The following SLC22A15 variants were observed in gnomAD, a reference collection of about 807,000 sequenced individuals.
SLC22A15 encodes the protein solute carrier family 22 member 15, also known as flipt 1.
In SLC22A15, 45 loss-of-function variants were observed where a neutral mutation model predicts 62.7. That is an observed-to-expected ratio of 0.72 (90% confidence interval 0.56 to 0.92). The LOEUF (loss-of-function observed/expected upper bound fraction) is 0.92, where lower values mean the gene tolerates loss of function less well. Among genes scored for constraint, SLC22A15 ranks in the 40% least tolerant of loss-of-function variants. The probability of loss-of-function intolerance (pLI) is 0.00; values close to 1 mark genes in which losing one functional copy is unlikely to be tolerated. For missense variants in SLC22A15, 622 were observed against 665.6 expected, an observed-to-expected ratio of 0.93 and a Z score of 0.72; for synonymous variants, 264 against 267.0, an observed-to-expected ratio of 0.99 and a Z score of 0.11.
At chr1:116,043,556 A>G (rs1657849484) in intron 8 of SLC22A15, among the ~76,000 whole-genome samples, 1 of 152,182 alleles carries the variant, frequency 6.6e-6, no homozygotes, top group Non-Finnish European at 1.5e-5. Flanking sequence ...TAAGCTTCCA[A>G]CTTAAGAAAG....
intron 7 of SLC22A15, among the ~76,000 whole-genome samples, chr1:116,036,509 A>C (rs1211067476): frequency 6.6e-6 from 1 of 152,198 alleles, no homozygotes; most frequent in African/African-American, 2.4e-5. Flanking sequence ...GTGACCAGGC[A>C]GACCTGAATT....
intron 8 of SLC22A15, among the ~76,000 whole-genome samples, chr1:116,042,062 G>T (rs1657802757): frequency 6.9e-6 from 1 of 145,788 alleles, no homozygotes; most frequent in African/African-American, 2.5e-5. Flanking sequence ...AGACTTAAAG[G>T]AACAATAAAG....
chr1:116,020,447 C>G (rs1346783243), intron 3 of SLC22A15, among the ~76,000 whole-genome samples: 4 of 150,874 alleles, frequency 2.7e-5, no homozygotes, highest in African/African-American at 9.7e-5. Flanking sequence ...TCCCAGCTAC[C>G]CGGGAGGCTG....
rs1043795864 is a variant in SLC22A15 at position 116,066,466 on chromosome 1, T to C, written c.1366-54T>C. 5.4e-6 allele frequency: 8 copies of C among 1,484,050 alleles called. No individual in the cohort carries two copies. In the African/African-American group the frequency reaches 1.1e-4, roughly 21 times the overall value. 91.9% of individuals were successfully genotyped at this position (1,484,050 alleles called of 1,614,324 possible). On this transcript the variant is annotated intron_variant, in intron 10 of 11. Coordinates refer to ENST00000369503, the MANE Select transcript of SLC22A15 (RefSeq NM_018420.3). ...CAGTCATGAGACTGCTTGTATTACA[T>C]GCTAAGGAAACTAATTCTCTGGTTT...
chr1:115,999,017 A>G (rs997655005), intron 2 of SLC22A15, among the ~76,000 whole-genome samples: 2 of 152,164 alleles, frequency 1.3e-5, no homozygotes, highest in Middle Eastern at 3.4e-3. Context: ...TTTTCTTCTT[A>G]ATTTCTTCTT....
chr1:115,979,158 A>G (rs1570677199), intron 1 of SLC22A15, among the ~76,000 whole-genome samples: 1 of 152,234 alleles, frequency 6.6e-6, no homozygotes, highest in Non-Finnish European at 1.5e-5. Flanking sequence ...AAACACATCT[A>G]TGTTCAAACT....
chr1:116,047,733 A>G (rs1657963808), intron 8 of SLC22A15, among the ~76,000 whole-genome samples: 3 of 152,202 alleles, frequency 2.0e-5, no homozygotes, highest in South Asian at 4.1e-4. Context: ...TCTGAACAGC[A>G]GCCTTCAGCC....
chr1:115,982,403 G>T (rs527658011), intron 1 of SLC22A15, among the ~76,000 whole-genome samples: 11 of 152,132 alleles, frequency 7.2e-5, no homozygotes, highest in South Asian at 2.1e-4. Context: ...TATAAATATT[G>T]TATATCCATC....
At chr1:116,025,808 A>T (rs1657058123) in intron 4 of SLC22A15, among the ~76,000 whole-genome samples, 1 of 152,242 alleles carries the variant, frequency 6.6e-6, no homozygotes, top group African/African-American at 2.4e-5. Context: ...TTAATAAATA[A>T]TAGCTATTAC....
At chr1:115,986,521 G>C (rs879786749) in intron 1 of SLC22A15, among the ~76,000 whole-genome samples, 2 of 152,204 alleles carry the variant, frequency 1.3e-5, no homozygotes, top group Non-Finnish European at 2.9e-5. Flanking sequence ...GAAGCCGTCA[G>C]AGAGATATCT....
intron 8 of SLC22A15, among the ~76,000 whole-genome samples, chr1:116,054,649 G>T (rs554385280): frequency 1.3e-5 from 2 of 152,216 alleles, no homozygotes; most frequent in Admixed American, 6.5e-5. Flanking sequence ...TGACCACATA[G>T]TTGGAAATAA....
chr1:116,044,121 C>T (rs1212976263), intron 8 of SLC22A15, among the ~76,000 whole-genome samples: 1 of 152,142 alleles, frequency 6.6e-6, no homozygotes, highest in Non-Finnish European at 1.5e-5. Context: ...TACTTTGGTA[C>T]CTAAACCAAA....
chr1:116,061,684 C>T lies in SLC22A15; in HGVS notation c.1172-1078C>T, dbSNP rs1434321390. On this transcript the variant is annotated intron_variant, in intron 8 of 11. Transcript: ENST00000369503. Reference sequence around the variant, plus strand: ...ATTGAAGGGGAGAGGTTAAACTTTTCTAAAAAAAAAAAATCATTAAATTGT... The same window carrying T: ...ATTGAAGGGGAGAGGTTAAACTTTTTTAAAAAAAAAAAATCATTAAATTGT... Among the ~76,000 whole-genome samples the T allele has an allele frequency of 2.3e-5, 3 of 132,422 alleles. No homozygotes were observed. In the South Asian group the frequency reaches 7.0e-4, roughly 31 times the overall value. 86.9% of individuals were successfully genotyped at this position (132,422 alleles called of 152,430 possible). A position where few individuals can be genotyped will look rare whatever the true frequency, so the allele number is the denominator to read the frequency against.
chr1:116,025,474 C>T (rs1416876232), intron 4 of SLC22A15, among the ~76,000 whole-genome samples: 1 of 152,286 alleles, frequency 6.6e-6, no homozygotes, highest in South Asian at 2.1e-4. Flanking sequence ...CTAGGTCAAA[C>T]AGTATACAAG....
intron 8 of SLC22A15, among the ~76,000 whole-genome samples, chr1:116,052,638 C>G (rs550755415): frequency 1.3e-5 from 2 of 152,350 alleles, no homozygotes; most frequent in East Asian, 3.9e-4. Flanking sequence ...CCCGAGCAGC[C>G]TAACTGGGAG....
intron 8 of SLC22A15, among the ~76,000 whole-genome samples, chr1:116,057,179 G>C (rs1034091424): frequency 6.6e-6 from 1 of 151,360 alleles, no homozygotes; most frequent in Non-Finnish European, 1.5e-5. Context: ...CTAATATCCA[G>C]AATCTACAAT....
chr1:116,037,230 A>G (rs1262911610), intron 7 of SLC22A15, 73 bp from the exon 8 acceptor site: 1 of 1,300,560 alleles, frequency 7.7e-7, no homozygotes, highest in East Asian at 2.3e-5. Context: ...ATTTTTAAAT[A>G]AGAAGGTTGG....
At chr1:116,020,397 CA>C (rs1014827541) in intron 3 of SLC22A15, among the ~76,000 whole-genome samples, 2 of 151,086 alleles carry the variant, frequency 1.3e-5, no homozygotes, top group Non-Finnish European at 3.0e-5. Flanking sequence ...CTAAAAAATA[CA>C]AAAAAAATTT....
chr1:116,056,155 T>C (rs1241262609), intron 8 of SLC22A15, among the ~76,000 whole-genome samples: 7 of 151,950 alleles, frequency 4.6e-5, no homozygotes, highest in East Asian at 1.9e-4. Flanking sequence ...ATCTAGAAAA[T>C]CCCATTGTCT....
Sources: gnomAD v4.1 joint callset for allele counts (sites outside exome capture counted in the v4.1 genomes callset) on GRCh38, gnomAD v4.1.1 for gene constraint, MANE v1.5 for transcripts, NCBI Gene and HGNC (gene_info 2026-07-23, HGNC 2026-07-21) for gene names.